Variants in ZRANB3 observed in about 807,000 individuals in gnomAD.
ZRANB3 encodes the protein zinc finger RANBP2-type containing 3.
Under a neutral mutation model 133.8 loss-of-function variants are expected in ZRANB3, and 125 were observed. The ratio of observed to expected loss-of-function variants is 0.93; its 90% confidence interval spans 0.81 to 1.08. The LOEUF (loss-of-function observed/expected upper bound fraction) is 1.08, where lower values mean the gene tolerates loss of function less well. Among genes scored for constraint, ZRANB3 ranks in the 50% least tolerant of loss-of-function variants. The probability of loss-of-function intolerance (pLI) is 0.00; values close to 1 mark genes in which losing one functional copy is unlikely to be tolerated. For missense variants in ZRANB3, 1,229 were observed against 1,275.5 expected (o/e 0.96, Z 0.56); for synonymous variants, 387 against 432.7 (o/e 0.89, Z 1.31).
intron 6 of ZRANB3, among the ~76,000 whole-genome samples, chr2:135,324,085 T>A (rs181362207): frequency 7.9e-5 from 12 of 152,050 alleles, no homozygotes; most frequent in East Asian, 5.8e-4. Flanking sequence ...TTGATTTTTT[T>A]TTATTATTAT....
intron 2 of ZRANB3, among the ~76,000 whole-genome samples, chr2:135,500,412 T>G (rs1034370517): frequency 7.9e-5 from 12 of 152,122 alleles, no homozygotes; most frequent in African/African-American, 2.4e-4. Flanking sequence ...TTATGGTATA[T>G]TCACATGATG....
At chr2:135,493,999 G>T (rs1421937372) in intron 2 of ZRANB3, among the ~76,000 whole-genome samples, 2 of 152,040 alleles carry the variant, frequency 1.3e-5, no homozygotes, top group African/African-American at 4.8e-5. Flanking sequence ...TCTGTTTGTA[G>T]CATGTTCCAA....
In ZRANB3 at chr2:135,207,604, G is replaced by A. The variant is rs367951058; in HGVS notation, c.2839C>T (p.Arg947Ter). The change falls in exon 19 of 21, where the codon CGA becomes TGA. Residue 947 changes from arginine to a stop codon, truncating the protein, a stop_gained. Transcript: ENST00000264159. LOFTEE classifies it high-confidence loss of function. ...SLKCQEEFWI[R>*]SNNSYLRAKV... Reference sequence around the variant, plus strand: ...GCTCTCAGGTAACTGTTATTAGATCGAATCCAAAACTCTTCCTGACATTTC... The same window carrying A: ...GCTCTCAGGTAACTGTTATTAGATCAAATCCAAAACTCTTCCTGACATTTC... 27 of 1,613,838 alleles carry A rather than the reference G, an allele frequency of 1.7e-5. No homozygotes were observed. The highest frequency in any genetic ancestry group is 2.2e-5 in the South Asian group (2 of 91,084).
At chr2:135,318,212 TTGTGTGTGTG>T (rs58455313) in intron 6 of ZRANB3, among the ~76,000 whole-genome samples, 3,853 of 136,960 alleles carry the variant, frequency 0.028, 61 homozygotes, top group South Asian at 0.043. Flanking sequence ...ACACACTATT[TTGTGTGTGTG>T]TGTGTGTGTG....
intron 15 of ZRANB3, among the ~76,000 whole-genome samples, chr2:135,222,401 CAA>C (rs1177564767): frequency 2.3e-4 from 18 of 76,880 alleles, no homozygotes; most frequent in African/African-American, 1.9e-4. Context: ...GACTCAGTCT[CAA>C]AAAAAAAAAA....
intron 2 of ZRANB3, among the ~76,000 whole-genome samples, chr2:135,503,318 T>TG (rs1188879162): frequency 1.3e-5 from 2 of 152,210 alleles, no homozygotes; most frequent in Non-Finnish European, 2.9e-5. Context: ...GATAGAAGGA[T>TG]GGATTCATAG....
chr2:135,467,190 C>G (rs1289919017), intron 2 of ZRANB3, among the ~76,000 whole-genome samples: 1 of 148,988 alleles, frequency 6.7e-6, no homozygotes, highest in African/African-American at 2.6e-5. Context: ...ATTCTCTGCT[C>G]CCATTTAAAC....
chr2:135,351,969 T>C (rs1296663020), intron 4 of ZRANB3, among the ~76,000 whole-genome samples: 2 of 152,142 alleles, frequency 1.3e-5, no homozygotes, highest in Non-Finnish European at 2.9e-5. Flanking sequence ...ATATAAAAAC[T>C]AGATGCCCTA....
At position 135,258,823 on chromosome 2, in the gene ZRANB3, A is replaced by C. The variant is rs529673646; in HGVS notation, c.1539+6711T>G. ...AAAGAAGAGATTTTGGACAAGAGGG[A>C]TTTAGATTTCACAAGTGCCACAGCT... On this transcript the variant is annotated intron_variant, in intron 12 of 20. Transcript: ENST00000264159. 2.0e-5 allele frequency among the ~76,000 whole-genome samples: 3 copies of C among 152,226 alleles called. No homozygotes were observed. In the East Asian group the frequency reaches 5.8e-4, roughly 29 times the overall value.
intron 1 of ZRANB3, among the ~76,000 whole-genome samples, chr2:135,526,622 T>C (rs180770443): frequency 8.4e-4 from 128 of 152,344 alleles, no homozygotes; most frequent in African/African-American, 1.9e-3. Context: ...GGAAGAAATA[T>C]TTAACCCCAA....
At position 135,320,031 on chromosome 2, in the gene ZRANB3, CT is replaced by C. The variant is rs34955930; in HGVS notation, c.678-4502del. ...GAAATGGCCTAAAAAGTGAGTGATT[CT>C]TTTTTTTCCCCCCAAGAGATGGGTT... On this transcript the variant is annotated intron_variant, in intron 6 of 20. Coordinates refer to ENST00000264159, the MANE Select transcript of ZRANB3 (RefSeq NM_032143.4). Among the ~76,000 whole-genome samples, 683 of 152,126 alleles carry C rather than the reference CT, an allele frequency of 4.5e-3. 19 individuals are homozygous for C. In the East Asian group the frequency reaches 0.047, roughly 10 times the overall value.
chr2:135,510,986 G>C (rs1200467936), intron 1 of ZRANB3: 1 of 787,500 alleles, frequency 1.3e-6, no homozygotes, highest in African/African-American at 1.7e-5. Context: ...CAGCCTCACA[G>C]ATCGGTCTGG....
intron 12 of ZRANB3, among the ~76,000 whole-genome samples, chr2:135,264,376 G>A (rs1269106805): frequency 6.6e-6 from 1 of 150,822 alleles, no homozygotes; most frequent in African/African-American, 2.4e-5. Context: ...GGAGACTGAG[G>A]CAGGAGAATC....
rs548340374 is a variant in ZRANB3 at position 135,457,538 on chromosome 2, C to T, written c.161+46791G>A. 1.6e-3 allele frequency among the ~76,000 whole-genome samples: 236 copies of T among 152,212 alleles called. 2 individuals carry two copies. The highest frequency in any genetic ancestry group is 0.014 in the Middle Eastern group (4 of 294). ...AAGATGTTCAGCATCTTTTCATGAG[C>T]TTATTGGCAATTTGTATATCCTCTT... is the stretch of plus-strand genomic sequence containing the variant. On this transcript the variant is annotated intron_variant, in intron 2 of 20. Coordinates refer to ENST00000264159, the MANE Select transcript of ZRANB3 (RefSeq NM_032143.4).
chr2:135,214,360 G>T (rs1409980192), intron 17 of ZRANB3, among the ~76,000 whole-genome samples: 1 of 151,890 alleles, frequency 6.6e-6, no homozygotes, highest in Admixed American at 6.6e-5. Flanking sequence ...TCTGCTGCTT[G>T]TTAACACAAG....
chr2:135,321,410 G>A (rs1028893591), intron 6 of ZRANB3, among the ~76,000 whole-genome samples: 1 of 151,782 alleles, frequency 6.6e-6, no homozygotes, highest in Non-Finnish European at 1.5e-5. Flanking sequence ...CTTAGGTCAA[G>A]CGCCTTTCTA....
intron 2 of ZRANB3, among the ~76,000 whole-genome samples, chr2:135,403,701 C>G (rs540384793): frequency 1.3e-5 from 2 of 152,164 alleles, no homozygotes; most frequent in East Asian, 3.9e-4. Flanking sequence ...GAGGCACCCC[C>G]GAGTAGGGGC....
chr2:135,400,245 T>C (rs974950409), intron 2 of ZRANB3, among the ~76,000 whole-genome samples: 18 of 151,050 alleles, frequency 1.2e-4, no homozygotes, highest in African/African-American at 4.2e-4. Context: ...ATCTCAAAAA[T>C]AGTAATAATA....
intron 2 of ZRANB3, among the ~76,000 whole-genome samples, chr2:135,445,759 C>T (rs1168553138): frequency 2.7e-5 from 4 of 149,838 alleles, no homozygotes; most frequent in Non-Finnish European, 5.9e-5. Context: ...GCCTGTAATC[C>T]CAGCTACACG....
Sources: allele counts gnomAD v4.1 joint callset (sites outside exome capture counted in the v4.1 genomes callset), GRCh38; gene constraint gnomAD v4.1.1; transcripts MANE v1.5; gene names NCBI Gene and HGNC (gene_info 2026-07-23, HGNC 2026-07-21).